The following ANKRD12 variants were observed in gnomAD, a reference collection of about 807,000 sequenced individuals.
The protein encoded by ANKRD12 is ankyrin repeat domain 12.
A neutral mutation model predicts 183.4 loss-of-function variants in ANKRD12; 85 were observed. That is an observed-to-expected ratio of 0.46 (90% CI 0.39 to 0.56). ANKRD12 has a LOEUF of 0.56. Among genes scored for constraint, ANKRD12 ranks in the 20% least tolerant of loss-of-function variants. The pLI is 0.00. For missense variants in ANKRD12, 2,405 were observed against 2,357.1 expected, an observed-to-expected ratio of 1.02 and a Z score of -0.42; for synonymous variants, 914 against 800.2, an observed-to-expected ratio of 1.14 and a Z score of -2.40.
chr18:9,263,971 G>C, intron 10 of ANKRD12, 83 bp downstream of exon 10: 1 of 1,106,030 alleles, frequency 9.0e-7, no homozygotes, highest in Non-Finnish European at 1.2e-6. Flanking sequence ...TTTTTTATTA[G>C]TGGATTTTTA....
At position 9,254,513 on chromosome 18, in the gene ANKRD12, C is replaced by A. The variant is rs755916069; in HGVS notation, c.1246C>A (p.Gln416Lys). The A allele has an allele frequency of 1.4e-5, 21 of 1,539,526 alleles. No homozygotes were observed. Among genetic ancestry groups the A allele is most frequent in the Non-Finnish European group, 1.7e-5 (20 of 1,148,842 alleles). The stretch of plus-strand genomic sequence containing the variant: ...TCCTAAATCATTTAAAAGTAAAAAA[C>A]AAAAGCCATCTAGGGTCTTATATTC... ...FYPKSFKSKK[Q>K]KPSRVLYSST... Residue 416 changes from glutamine (Q) to lysine (K), a missense_variant, in exon 9 of 13, where the codon CAA becomes AAA. Gln to Lys is a moderately conservative substitution (Grantham distance 53). Around this residue, in one of 7 missense-constraint regions of ANKRD12, gnomAD observed 1,983 missense variants for 1,725.9 expected, o/e 1.15. Coordinates refer to ENST00000262126, the MANE Select transcript of ANKRD12 (RefSeq NM_015208.5).
At chr18:9,249,768 C>T (rs144406617) in intron 8 of ANKRD12, 34 of 152,326 alleles carry the variant, frequency 2.2e-4, no homozygotes, top group African/African-American at 7.5e-4. Flanking sequence ...TCCTGAACTG[C>T]TCCTCTCCCT....
intron 10 of ANKRD12, among the ~76,000 whole-genome samples, chr18:9,271,608 T>G (rs1425579951): frequency 6.6e-6 from 1 of 152,188 alleles, no homozygotes; most frequent in Non-Finnish European, 1.5e-5. Context: ...TCCTCCTGCC[T>G]TAGCCTCCCA....
intron 10 of ANKRD12, among the ~76,000 whole-genome samples, chr18:9,265,923 T>C (rs2039263060): frequency 6.6e-6 from 1 of 151,998 alleles, no homozygotes; most frequent in African/African-American, 2.4e-5. Context: ...GAGAAGTCCT[T>C]AAAGGACCTG....
intron 1 of ANKRD12, among the ~76,000 whole-genome samples, chr18:9,175,004 G>A (rs978910872): frequency 3.3e-5 from 5 of 151,976 alleles, no homozygotes; most frequent in African/African-American, 1.2e-4. Flanking sequence ...GCCCGGGCTG[G>A]AGTGCAGTGG....
intron 2 of ANKRD12, 38 bp downstream of exon 2, chr18:9,182,557 C>A: frequency 7.2e-7 from 1 of 1,387,472 alleles, no homozygotes; most frequent in Non-Finnish European, 9.9e-7. Context: ...ACTTTTTGAA[C>A]TGGGAAAAAG....
At chr18:9,168,588 C>G (rs988458385) in intron 1 of ANKRD12, among the ~76,000 whole-genome samples, 3 of 151,904 alleles carry the variant, frequency 2.0e-5, no homozygotes, top group Non-Finnish European at 4.4e-5. Flanking sequence ...TTTTTTATTG[C>G]GTCTATTTGA....
intron 2 of ANKRD12, among the ~76,000 whole-genome samples, chr18:9,187,468 A>G (rs747469688): frequency 6.6e-6 from 1 of 152,178 alleles, no homozygotes; most frequent in South Asian, 2.1e-4. Context: ...TTTACAGTTT[A>G]ATATGACAGA....
At chr18:9,223,836 A>T (rs976362472) in intron 8 of ANKRD12, among the ~76,000 whole-genome samples, 1 of 152,248 alleles carries the variant, frequency 6.6e-6, no homozygotes, top group Non-Finnish European at 1.5e-5. Context: ...GACATTGTAT[A>T]CGTAACCATT....
chr18:9,197,902 C>G (rs2034938259), intron 3 of ANKRD12, among the ~76,000 whole-genome samples: 1 of 152,048 alleles, frequency 6.6e-6, no homozygotes, highest in African/African-American at 2.4e-5. Context: ...TTTTGGTAGG[C>G]TTTATTTATA....
chr18:9,141,473 A>C (rs967336978), intron 1 of ANKRD12, among the ~76,000 whole-genome samples: 1 of 152,230 alleles, frequency 6.6e-6, no homozygotes, highest in African/African-American at 2.4e-5. Flanking sequence ...AGAAAACAGT[A>C]TCCAAGACCA....
At chr18:9,274,309 G>A (rs1375549544) in intron 10 of ANKRD12, among the ~76,000 whole-genome samples, 3 of 152,178 alleles carry the variant, frequency 2.0e-5, no homozygotes, top group South Asian at 2.1e-4. Flanking sequence ...ATCAACTGAT[G>A]AATAAATAAA....
intron 1 of ANKRD12, among the ~76,000 whole-genome samples, chr18:9,144,020 TTA>T (rs1480962515): frequency 6.6e-6 from 1 of 152,224 alleles, no homozygotes; most frequent in Non-Finnish European, 1.5e-5. Flanking sequence ...TATATTTGTG[TTA>T]TTAAACTTAA....
At chr18:9,222,509 A>G (rs148636499) in intron 8 of ANKRD12, among the ~76,000 whole-genome samples, 293 of 151,894 alleles carry the variant, frequency 1.9e-3, no homozygotes, top group East Asian at 0.017. Context: ...TAAAGATAAC[A>G]AAAAAACATT....
intron 5 of ANKRD12, among the ~76,000 whole-genome samples, chr18:9,210,260 T>G (rs886375507): frequency 4.6e-5 from 7 of 152,130 alleles, no homozygotes; most frequent in African/African-American, 1.7e-4. Flanking sequence ...CTATAAGGAT[T>G]ACATTAAAAT....
chr18:9,206,192 T>G (rs1244301113), intron 4 of ANKRD12, among the ~76,000 whole-genome samples: 2 of 152,084 alleles, frequency 1.3e-5, no homozygotes, highest in Non-Finnish European at 2.9e-5. Context: ...GAATGGAACT[T>G]AAGTTTATAG....
At chr18:9,196,116 C>A (rs1598519102) in intron 3 of ANKRD12, among the ~76,000 whole-genome samples, 1 of 22,006 alleles carries the variant, frequency 4.5e-5, no homozygotes, top group African/African-American at 1.3e-4. Context: ...CAAACACACA[C>A]ACACACACAC....
intron 4 of ANKRD12, among the ~76,000 whole-genome samples, chr18:9,206,990 T>C (rs540780636): frequency 9.2e-5 from 14 of 152,242 alleles, no homozygotes; most frequent in African/African-American, 3.1e-4. Context: ...GAAACATCTT[T>C]TCTATTTTCT....
intron 8 of ANKRD12, among the ~76,000 whole-genome samples, chr18:9,227,666 T>C (rs1454627433): frequency 1.3e-5 from 2 of 152,228 alleles, no homozygotes; most frequent in South Asian, 2.1e-4. Flanking sequence ...TTTATTATGA[T>C]GATTTTCCCC....
Sources: allele counts gnomAD v4.1 joint callset (sites outside exome capture counted in the v4.1 genomes callset), GRCh38; gene constraint gnomAD v4.1.1; regional missense constraint gnomAD v4.1.1; transcripts MANE v1.5; gene names NCBI Gene and HGNC (gene_info 2026-07-23, HGNC 2026-07-21).